The following NPC1 variants were observed in gnomAD, a reference collection of about 807,000 sequenced individuals.
NPC1 encodes NPC intracellular cholesterol transporter 1.
In NPC1, 85 loss-of-function variants were observed where a neutral mutation model predicts 140.4. That is an observed-to-expected ratio of 0.61 (90% CI 0.51 to 0.72). The LOEUF (loss-of-function observed/expected upper bound fraction) is 0.72, where lower values mean the gene tolerates loss of function less well. NPC1 is among the 30% of genes least tolerant of loss of function. The pLI is 0.00. For missense variants in NPC1, 1,504 were observed against 1,623.8 expected (o/e 0.93, Z 1.27); for synonymous variants, 656 against 624.8 (o/e 1.05, Z -0.74).
At chr18:23,529,918 A>C (rs2058438646), downstream of NPC1, 1 of 1,152,500 alleles carries the variant, frequency 8.7e-7, no homozygotes, top group South Asian at 1.4e-5. Context: ...ACTTCTTGTA[A>C]TGACAGACTT....
chr18:23,512,748 A>C (rs2057896022), intron 3 of NPC1, among the ~76,000 whole-genome samples: 1 of 151,704 alleles, frequency 6.6e-6, no homozygotes, highest in South Asian at 2.1e-4. Context: ...TATTTTTTTT[A>C]CTGTGGTAAA....
chr18:23,530,159 A>G (rs759526431), downstream of NPC1: 1 of 1,613,782 alleles, frequency 6.2e-7, no homozygotes, highest in South Asian at 1.1e-5. Context: ...TTTTACTTCC[A>G]TTGTGGTTAA....
intron 10 of NPC1, among the ~76,000 whole-genome samples, chr18:23,551,321 C>T (rs1334182533): frequency 6.6e-6 from 1 of 152,172 alleles, no homozygotes; most frequent in East Asian, 1.9e-4. Context: ...ACTTCGGAGG[C>T]CCATGACCTT....
chr18:23,544,950 C>CCCCG lies in NPC1; in HGVS notation c.1947+9_1947+10insCGGG, dbSNP rs772150994. ...ACCTCTAGAACATACACCACCCCCC[C>CCCCG]CCGGCTTACCAGAAGCCTGCGACAG... On this transcript the variant is annotated intron_variant, in intron 12 of 24. Coordinates refer to ENST00000269228, the MANE Select transcript of NPC1 (RefSeq NM_000271.5). 4.4e-5 allele frequency: 63 copies of CCCCG among 1,415,964 alleles called. No homozygotes were observed. The highest frequency in any genetic ancestry group is 1.9e-4 in the South Asian group (16 of 86,154). 87.7% of individuals were successfully genotyped at this position (1,415,964 alleles called of 1,614,324 possible).
downstream of NPC1, chr18:23,519,044 C>G: frequency 6.2e-6 from 10 of 1,612,718 alleles, no homozygotes; most frequent in Non-Finnish European, 8.5e-6. Flanking sequence ...GCTTGTTGAT[C>G]TGTTTTTTGC....
chr18:23,530,136 T>G, downstream of NPC1: 1 of 1,614,010 alleles, frequency 6.2e-7, no homozygotes, highest in Non-Finnish European at 8.5e-7. Flanking sequence ...ACCTTTGGTA[T>G]GCATTGCCAG....
At chr18:23,540,417 TAAAAA>T (rs746440359) in intron 17 of NPC1, 26 bp downstream of exon 17, 11 of 1,160,530 alleles carry the variant, frequency 9.5e-6, no homozygotes, top group African/African-American at 1.7e-5. Flanking sequence ...CTAAAGAAGT[TAAAAA>T]AAAAAAAAAA....
At chr18:23,573,279 C>T (rs185357898) in intron 2 of NPC1, among the ~76,000 whole-genome samples, 173 bp downstream of exon 2, 70 of 152,326 alleles carry the variant, frequency 4.6e-4, no homozygotes, top group Middle Eastern at 3.4e-3. Context: ...TTTGGAGTTA[C>T]GGTGTTCTTT....
chr18:23,559,737 G>A (rs553471739), intron 6 of NPC1, among the ~76,000 whole-genome samples: 9 of 152,220 alleles, frequency 5.9e-5, no homozygotes, highest in Admixed American at 4.6e-4. Context: ...ATCACCTGAG[G>A]TCAGGAGTTG....
At chr18:23,555,515 CT>C (rs1185148490) in intron 8 of NPC1, among the ~76,000 whole-genome samples, 3 of 152,226 alleles carry the variant, frequency 2.0e-5, no homozygotes, top group Non-Finnish European at 2.9e-5. Flanking sequence ...AGATTCAAGT[CT>C]TGGGACCATT....
intron 6 of NPC1, among the ~76,000 whole-genome samples, chr18:23,559,522 GAC>G (rs1370658968): frequency 3.4e-5 from 4 of 117,914 alleles, no homozygotes; most frequent in Admixed American, 1.0e-4. Context: ...TTTTTGGTGA[GAC>G]ACAGTCTCGC....
intron 20 of NPC1, 73 bp from the exon 21 acceptor site, chr18:23,536,949 C>G: frequency 7.9e-7 from 1 of 1,269,986 alleles, no homozygotes. Flanking sequence ...GCACTTGAGG[C>G]TAAGCAAAAT....
chr18:23,586,160 G>T, intron 1 of NPC1, 127 bp downstream of exon 1: 1 of 977,590 alleles, frequency 1.0e-6, no homozygotes, highest in South Asian at 1.6e-5. Context: ...AGGAACCTCC[G>T]AGCTCTCCAT....
intron 3 of NPC1, chr18:23,509,312 A>C (rs778081925): frequency 2.7e-6 from 3 of 1,112,078 alleles, no homozygotes; most frequent in Admixed American, 5.6e-5. Context: ...TTGTTGGTTA[A>C]AGTTCAGTGA....
chr18:23,577,404 G>C (rs548959286), intron 1 of NPC1, among the ~76,000 whole-genome samples: 2 of 151,392 alleles, frequency 1.3e-5, no homozygotes, highest in African/African-American at 2.4e-5. Context: ...TAGACATAAA[G>C]GTTCTCCACG....
chr18:23,549,543 G>C (rs1381867802), intron 10 of NPC1, among the ~76,000 whole-genome samples: 101 of 152,174 alleles, frequency 6.6e-4, no homozygotes, highest in Admixed American at 6.5e-3. Flanking sequence ...GGAGGTGGAG[G>C]CAGAAGAATT....
At chr18:23,572,357 T>G (rs745581666) in intron 2 of NPC1, among the ~76,000 whole-genome samples, 177 bp from the exon 3 acceptor site, 1 of 152,256 alleles carries the variant, frequency 6.6e-6, no homozygotes, top group Non-Finnish European at 1.5e-5. Flanking sequence ...ACATTTACTA[T>G]TTATTCACAA....
At chr18:23,547,378 G>A (rs2058804245) in intron 11 of NPC1, among the ~76,000 whole-genome samples, 2 of 152,108 alleles carry the variant, frequency 1.3e-5, no homozygotes, top group African/African-American at 4.8e-5. Context: ...TTTTATGACA[G>A]CACAATATTC....
chr18:23,546,250 A>C (rs1224109135), intron 11 of NPC1, among the ~76,000 whole-genome samples: 117 of 28,612 alleles, frequency 4.1e-3, no homozygotes, highest in Non-Finnish European at 8.3e-3. Context: ...CTCTGTCTCA[A>C]AAAAAAAAAA....
Sources: allele counts gnomAD v4.1 joint callset (sites outside exome capture counted in the v4.1 genomes callset), GRCh38; gene constraint gnomAD v4.1.1; transcripts MANE v1.5; gene names NCBI Gene and HGNC (gene_info 2026-07-23, HGNC 2026-07-21).